SPX: variants seen among roughly 807,000 people sequenced by gnomAD.
SPX encodes the protein spexin.
A neutral mutation model predicts 19.2 loss-of-function variants in SPX; 22 were observed. The observed-to-expected ratio is 1.15, with a 90% CI of 0.82 to 1.64. The LOEUF (loss-of-function observed/expected upper bound fraction) is 1.64. Ranked by LOEUF, SPX falls within the 40% of genes most tolerant of loss-of-function variation. SPX has a pLI of 0.00. For synonymous variants in SPX, 50 were observed against 53.3 expected (o/e 0.94, Z 0.27); for missense variants, 143 against 137.7 (o/e 1.04, Z -0.19).
At chr12:21,530,841 G>T (rs140459307) in intron 5 of SPX, among the ~76,000 whole-genome samples, 1 of 152,128 alleles carries the variant, frequency 6.6e-6, no homozygotes, top group Non-Finnish European at 1.5e-5. Context: ...GTCAATCTGT[G>T]AGAGCAAGAC....
At chr12:21,528,035 A>G in intron 4 of SPX, 1 of 517,712 alleles carries the variant, frequency 1.9e-6, no homozygotes, top group Non-Finnish European at 3.5e-6. Context: ...AGGGCGGCCC[A>G]GGCTGGCGCT....
At chr12:21,529,153 G>GC in intron 5 of SPX, 69 bp downstream of exon 5, 4 of 1,448,626 alleles carry the variant, frequency 2.8e-6, no homozygotes, top group Non-Finnish European at 3.9e-6. Context: ...ATTCTGTGTT[G>GC]AGTGCAACAC....
intron 5 of SPX, among the ~76,000 whole-genome samples, chr12:21,530,533 T>C (rs1165632611): frequency 6.6e-6 from 1 of 152,226 alleles, no homozygotes; most frequent in Non-Finnish European, 1.5e-5. Flanking sequence ...ATTGTAACTT[T>C]TAGTCATTCT....
chr12:21,529,910 G>C (rs1943847980), intron 5 of SPX, among the ~76,000 whole-genome samples: 1 of 152,280 alleles, frequency 6.6e-6, no homozygotes, highest in Admixed American at 6.5e-5. Context: ...GATGGAGATT[G>C]GTTGATAGTG....
intron 3 of SPX, 37 bp from the exon 4 acceptor site, chr12:21,527,690 C>T (rs758659277): frequency 2.6e-5 from 41 of 1,551,302 alleles, no homozygotes; most frequent in African/African-American, 4.1e-5. Context: ...TTGTCCCGGG[C>T]CAGGCTGTCG....
intron 4 of SPX, chr12:21,528,065 T>C: frequency 4.5e-6 from 2 of 445,360 alleles, no homozygotes; most frequent in Admixed American, 3.8e-5. Context: ...CAAGCCTTAT[T>C]GGCTTGCGGC....
At chr12:21,526,611 A>G (rs1943817247) in intron 1 of SPX, 133 bp downstream of exon 1, 1 of 909,704 alleles carries the variant, frequency 1.1e-6, no homozygotes, top group Non-Finnish European at 1.7e-6. Flanking sequence ...TTAGAATAAC[A>G]GAATCATTTG....
chr12:21,527,240 G>C (rs1565586174), intron 3 of SPX, 48 bp downstream of exon 3: 2 of 1,536,200 alleles, frequency 1.3e-6, no homozygotes, highest in Admixed American at 3.3e-5. Context: ...AAGACCCCTA[G>C]GAGTCAGGAA....
intron 5 of SPX, among the ~76,000 whole-genome samples, 166 bp from the exon 6 acceptor site, chr12:21,530,971 T>C (rs1943859761): frequency 6.6e-6 from 1 of 152,192 alleles, no homozygotes; most frequent in Non-Finnish European, 1.5e-5. Flanking sequence ...GATTTTAAAC[T>C]GAGCAAATCA....
intron 1 of SPX, 72 bp downstream of exon 1, chr12:21,526,550 T>A: frequency 7.2e-7 from 1 of 1,391,140 alleles, no homozygotes; most frequent in African/African-American, 1.4e-5. Flanking sequence ...TTTACCTATT[T>A]CATGTTTAAT....
intron 5 of SPX, among the ~76,000 whole-genome samples, chr12:21,530,697 C>T (rs1943856761): frequency 6.6e-6 from 1 of 152,130 alleles, no homozygotes. Context: ...AACTCTAGCT[C>T]CCCTAATAAA....
At position 21,526,878 on chromosome 12, in the gene SPX, T is replaced by C; in HGVS notation, c.7-8T>C. Reference sequence around the variant, plus strand: ...AAATGACCCTTTCTGGTTGATCGCTTCATATAGGGACTCAGAAGTCTGGCA... The same window carrying C: ...AAATGACCCTTTCTGGTTGATCGCTCCATATAGGGACTCAGAAGTCTGGCA... On this transcript the variant is annotated splice_region_variant and splice_polypyrimidine_tract_variant and intron_variant, in intron 1 of 5. Transcript: ENST00000256969. The C allele has an allele frequency of 6.2e-7, 1 of 1,613,814 alleles. No homozygotes were observed. The highest frequency in any genetic ancestry group is 8.5e-7 in the Non-Finnish European group (1 of 1,179,724).
rs1403347845 is a variant in SPX at position 21,531,383 on chromosome 12, G to T, written c.*188G>T. ...ACATCATCTTCTTTCATTGCTTCAG[G>T]TCCTGTTTAGATGACCAAAAATGTT... On this transcript the variant is annotated 3_prime_UTR_variant, in exon 6 of 6. Transcript: ENST00000256969. The T allele has an allele frequency of 2.2e-6, 1 of 459,502 alleles. No homozygotes were observed. Among genetic ancestry groups the T allele is most frequent in the African/African-American group, 2.0e-5 (1 of 49,056 alleles). The allele number at this position is 459,502 out of a possible 1,614,324, so 28.5% of individuals were successfully genotyped here. A position where few individuals can be genotyped will look rare whatever the true frequency, so the allele number is the denominator to read the frequency against.
In SPX at chr12:21,531,430, C is replaced by G. The variant is rs1486467559; in HGVS notation, c.*235C>G. 2 of 343,184 alleles carry G rather than the reference C, an allele frequency of 5.8e-6. No homozygotes were observed. Among genetic ancestry groups the G allele is most frequent in the Non-Finnish European group, 1.0e-5 (2 of 192,148 alleles). The allele number at this position is 343,184 out of a possible 1,614,324, so 21.3% of individuals were successfully genotyped here. On this transcript the variant is annotated 3_prime_UTR_variant, in exon 6 of 6. Transcript: ENST00000256969. ...TGTTTTCAGATCACCTTGTGTCTTA[C>G]TCTTGAGTTTCTTAGAATATTTATA... is the stretch of plus-strand genomic sequence containing the variant.
chr12:21,531,194 G>T lies in SPX; in HGVS notation c.350G>T (p.Ter117LeuextTer17). The change falls in exon 6 of 6, where the codon TGA (stop) becomes TTA (leucine). Residue 117 changes from the stop codon to leucine (L), a stop_lost. Coordinates refer to ENST00000256969, the MANE Select transcript of SPX (RefSeq NM_030572.4). ...CTGGAAGACAGTCTGCTTAACTGGTGAAAATATACTGGATTATGTTTAATT... is the reference window on the plus strand; with the variant it reads ...CTGGAAGACAGTCTGCTTAACTGGTTAAAATATACTGGATTATGTTTAATT... ...RFLEDSLLNW* is the reference protein window; with the variant it reads ...RFLEDSLLNWL 3 of 1,587,472 alleles carry T rather than the reference G, an allele frequency of 1.9e-6. No homozygotes were observed. The highest frequency in any genetic ancestry group is 2.6e-6 in the Non-Finnish European group (3 of 1,163,042).
chr12:21,527,967 T>C, intron 4 of SPX, 178 bp downstream of exon 4: 1 of 634,836 alleles, frequency 1.6e-6, no homozygotes, highest in Admixed American at 3.3e-5. Context: ...CAGCAGCAGC[T>C]GGATGCCGAG....
intron 4 of SPX, 189 bp downstream of exon 4, chr12:21,527,978 C>A (rs1003794381): frequency 1.7e-6 from 1 of 597,848 alleles, no homozygotes; most frequent in African/African-American, 1.9e-5. Context: ...GGATGCCGAG[C>A]GCCGGAGCTG....
Position 21,530,985 on chromosome 12 carries a change from C to T in SPX, c.293-152C>T, listed in dbSNP as rs1943859861. On this transcript the variant is annotated intron_variant, in intron 5 of 5. Transcript: ENST00000256969. ...AGATTTTAAACTGAGCAAATCAAAGCCCATATTGTTTAAATTTTCAGTAGC... is the reference window on the plus strand; with the variant it reads ...AGATTTTAAACTGAGCAAATCAAAGTCCATATTGTTTAAATTTTCAGTAGC... 3 of 580,184 alleles carry T rather than the reference C, an allele frequency of 5.2e-6. No individual in the cohort carries two copies. The East Asian group carries it at 9.0e-5, about 17-fold the overall frequency. 35.9% of individuals were successfully genotyped at this position (580,184 alleles called of 1,614,324 possible). A position where few individuals can be genotyped will look rare whatever the true frequency, so the allele number is the denominator to read the frequency against.
Position 21,531,666 on chromosome 12 carries a change from ACT to A in SPX, c.*476_*477del, listed in dbSNP as rs1252543879. 6.5e-6 allele frequency: 1 copy of A among 153,438 alleles called. No individual in the cohort carries two copies. The highest frequency in any genetic ancestry group is 2.4e-5 in the African/African-American group (1 of 41,402). 9.5% of individuals were successfully genotyped at this position (153,438 alleles called of 1,614,324 possible). A position where few individuals can be genotyped will look rare whatever the true frequency, so the allele number is the denominator to read the frequency against. On this transcript the variant is annotated 3_prime_UTR_variant, in exon 6 of 6. Coordinates refer to ENST00000256969, the MANE Select transcript of SPX (RefSeq NM_030572.4). ...GCAGGATGGGAAATAGGAGAGTATGACTCTCTATAGCTCATCCAGGAGTAATC... is the reference window on the plus strand; with the variant it reads ...GCAGGATGGGAAATAGGAGAGTATGACTCTATAGCTCATCCAGGAGTAATC...
Sources: gnomAD v4.1 joint callset for allele counts (sites outside exome capture counted in the v4.1 genomes callset) on GRCh38, gnomAD v4.1.1 for gene constraint, MANE v1.5 for transcripts, NCBI Gene and HGNC (gene_info 2026-07-23, HGNC 2026-07-21) for gene names.